Variants in KCND3 observed in about 807,000 individuals in gnomAD.
KCND3 encodes the protein A-type voltage-gated potassium channel KCND3.
In KCND3, 9 loss-of-function variants were observed where a neutral mutation model predicts 51.1. The ratio of observed to expected loss-of-function variants is 0.18; its 90% CI spans 0.11 to 0.31. The LOEUF (loss-of-function observed/expected upper bound fraction) is 0.31. Among genes scored for constraint, KCND3 ranks in the 10% least tolerant of loss-of-function variants. The pLI is 1.00. For missense variants in KCND3, 526 were observed against 903.8 expected (o/e 0.58, Z 5.36); for synonymous variants, 349 against 368.0 (o/e 0.95, Z 0.59).
chr1:111,775,736 C>T lies in KCND3; in HGVS notation c.*341G>A, dbSNP rs570176203. 1.3e-4 allele frequency: 50 copies of T among 385,126 alleles called. No homozygotes were observed. Among genetic ancestry groups the T allele is most frequent in the South Asian group, 4.4e-4 (17 of 38,324 alleles). The allele number at this position is 385,126 out of a possible 1,614,324, so 23.9% of individuals were successfully genotyped here. On this transcript the variant is annotated 3_prime_UTR_variant, in exon 8 of 8. Coordinates refer to ENST00000302127, the MANE Select transcript of KCND3 (RefSeq NM_001378969.1). Reference sequence around the variant, plus strand: ...TTTTCCTCACTGGGGTCTCCAGAAACGACTGTTATTTGGTCTGAGTCTGAG... The same window carrying T: ...TTTTCCTCACTGGGGTCTCCAGAAATGACTGTTATTTGGTCTGAGTCTGAG...
intron 2 of KCND3, among the ~76,000 whole-genome samples, chr1:111,865,005 C>G (rs1266982583): frequency 6.6e-6 from 1 of 152,190 alleles, no homozygotes; most frequent in Non-Finnish European, 1.5e-5. Context: ...GGGTGGGCAG[C>G]AGGCATGTTC....
In KCND3 at chr1:111,801,506, C is replaced by A. The variant is rs921944452; in HGVS notation, c.1107-14400G>T. On this transcript the variant is annotated intron_variant, in intron 2 of 7. Transcript: ENST00000302127. ...CTGCCTTCTGTGGCTCCAGCTGGGACGTGGTTGAGGTAGTGACAGGTGGGA... is the reference window on the plus strand; with the variant it reads ...CTGCCTTCTGTGGCTCCAGCTGGGAAGTGGTTGAGGTAGTGACAGGTGGGA... 3.9e-5 allele frequency among the ~76,000 whole-genome samples: 6 copies of A among 152,250 alleles called. No individual in the cohort carries two copies. The East Asian group carries it at 9.7e-4, about 25-fold the overall frequency.
chr1:111,787,624 GC>G (rs1266134161), intron 2 of KCND3, among the ~76,000 whole-genome samples: 1 of 152,154 alleles, frequency 6.6e-6, no homozygotes, highest in African/African-American at 2.4e-5. Context: ...GCAGGCAGGG[GC>G]CAGATCATGC....
At chr1:111,882,969 C>T (rs1264014842) in intron 2 of KCND3, among the ~76,000 whole-genome samples, 1 of 152,202 alleles carries the variant, frequency 6.6e-6, no homozygotes, top group African/African-American at 2.4e-5. Context: ...TGTCTTCCTA[C>T]TTCCAGGCAC....
intron 2 of KCND3, among the ~76,000 whole-genome samples, chr1:111,891,978 GTC>G (rs895910033): frequency 2.9e-5 from 3 of 102,626 alleles, no homozygotes; most frequent in Non-Finnish European, 6.2e-5. Flanking sequence ...CTGTGTGTGT[GTC>G]TGTGTGTGTG....
At chr1:111,989,344 C>T (rs1675502454) in intron 1 of KCND3, among the ~76,000 whole-genome samples, 161 bp downstream of exon 1, 1 of 152,110 alleles carries the variant, frequency 6.6e-6, no homozygotes, top group African/African-American at 2.4e-5. Context: ...TGTCTGCTCC[C>T]CCACGGCACG....
chr1:111,898,086 T>C (rs1670205738), intron 2 of KCND3, among the ~76,000 whole-genome samples: 2 of 152,190 alleles, frequency 1.3e-5, no homozygotes, highest in Admixed American at 1.3e-4. Flanking sequence ...CCTATGACCC[T>C]ACGCATGGTC....
intron 2 of KCND3, among the ~76,000 whole-genome samples, chr1:111,891,358 A>G (rs1669811907): frequency 6.6e-6 from 1 of 152,174 alleles, no homozygotes; most frequent in Non-Finnish European, 1.5e-5. Context: ...GTAGGGTAAA[A>G]AGGAAGGTAT....
intron 2 of KCND3, among the ~76,000 whole-genome samples, chr1:111,898,720 G>A (rs562856426): frequency 6.3e-4 from 96 of 152,264 alleles, no homozygotes; most frequent in Non-Finnish European, 1.1e-3. Flanking sequence ...AGGGCGAAAC[G>A]GAGACAGAAA....
chr1:111,866,595 C>CAT (rs1376171105), intron 2 of KCND3, among the ~76,000 whole-genome samples: 1 of 150,166 alleles, frequency 6.7e-6, no homozygotes, highest in Non-Finnish European at 1.5e-5. Flanking sequence ...CACACACACA[C>CAT]ACACACACAC....
At chr1:111,888,681 CAAA>C (rs34732548) in intron 2 of KCND3, among the ~76,000 whole-genome samples, 12,386 of 103,616 alleles carry the variant, frequency 0.12, 566 homozygotes, top group East Asian at 0.21. Context: ...CACTCCATCT[CAAA>C]AAAAAAAAAA....
At chr1:111,957,267 A>C (rs2101920760) in intron 2 of KCND3, among the ~76,000 whole-genome samples, 1 of 152,244 alleles carries the variant, frequency 6.6e-6, no homozygotes, top group Admixed American at 6.5e-5. Context: ...CTAAGCACAC[A>C]CACAGTGCTG....
intron 2 of KCND3, among the ~76,000 whole-genome samples, chr1:111,937,088 T>C (rs934066591): frequency 7.2e-5 from 11 of 152,064 alleles, no homozygotes; most frequent in African/African-American, 2.2e-4. Context: ...CATTGATGGA[T>C]CTGGGTGTGG....
At chr1:111,843,674 A>G (rs573054041) in intron 2 of KCND3, among the ~76,000 whole-genome samples, 7 of 152,296 alleles carry the variant, frequency 4.6e-5, no homozygotes, top group African/African-American at 1.7e-4. Flanking sequence ...GATAGTGATA[A>G]GGACAAAATA....
intron 2 of KCND3, among the ~76,000 whole-genome samples, chr1:111,976,578 T>C (rs1206938796): frequency 6.6e-6 from 1 of 152,230 alleles, no homozygotes; most frequent in Non-Finnish European, 1.5e-5. Flanking sequence ...ATGCATGATC[T>C]CTGGAACAGA....
intron 2 of KCND3, among the ~76,000 whole-genome samples, chr1:111,952,546 G>C (rs1673114011): frequency 6.6e-6 from 1 of 152,116 alleles, no homozygotes; most frequent in African/African-American, 2.4e-5. Flanking sequence ...AAGTTTCTGG[G>C]GCTTGGCTGC....
At chr1:111,821,731 C>T (rs1039138980) in intron 2 of KCND3, among the ~76,000 whole-genome samples, 2 of 152,208 alleles carry the variant, frequency 1.3e-5, no homozygotes, top group African/African-American at 4.8e-5. Context: ...ATGTGTCTCA[C>T]CCTGGGCTCT....
At chr1:111,959,240 G>A (rs753645662) in intron 2 of KCND3, among the ~76,000 whole-genome samples, 27 of 152,106 alleles carry the variant, frequency 1.8e-4, no homozygotes, top group Non-Finnish European at 2.9e-4. Flanking sequence ...ATGTTCACTC[G>A]CTCCCTCTAA....
At chr1:111,937,533 G>A (rs1028484922) in intron 2 of KCND3, among the ~76,000 whole-genome samples, 1 of 152,184 alleles carries the variant, frequency 6.6e-6, no homozygotes, top group Non-Finnish European at 1.5e-5. Context: ...AGATGCCCCC[G>A]ACAGGCCAGG....
Sources: gnomAD v4.1 joint callset for allele counts (sites outside exome capture counted in the v4.1 genomes callset) on GRCh38, gnomAD v4.1.1 for gene constraint, MANE v1.5 for transcripts, NCBI Gene and HGNC (gene_info 2026-07-23, HGNC 2026-07-21) for gene names.